Variants in CATSPERG observed in about 807,000 individuals in gnomAD.
CATSPERG encodes the protein catsper channel auxiliary subunit gamma, also known as cation channel sperm-associated auxiliary subunit gamma.
CATSPERG carries 115 observed loss-of-function variants against 145.0 expected under a neutral mutation model. The ratio of observed to expected loss-of-function variants is 0.79; its 90% CI spans 0.68 to 0.93. The LOEUF is 0.93. CATSPERG is among the 40% of genes least tolerant of loss of function. CATSPERG has a pLI of 0.00. For synonymous variants in CATSPERG, 588 were observed against 589.0 expected, an observed-to-expected ratio of 1.00 and a Z score of 0.02; for missense variants, 1,296 against 1,490.1, an observed-to-expected ratio of 0.87 and a Z score of 2.14.
At chr19:38,347,920 G>A (rs979674902) in intron 7 of CATSPERG, among the ~76,000 whole-genome samples, 15 of 148,016 alleles carry the variant, frequency 1.0e-4, no homozygotes, top group African/African-American at 2.5e-4. Flanking sequence ...CAGCCTGGGC[G>A]ATAGAGCAAG....
intron 26 of CATSPERG, among the ~76,000 whole-genome samples, chr19:38,368,749 G>A (rs897336292): frequency 2.0e-5 from 3 of 152,160 alleles, no homozygotes; most frequent in Non-Finnish European, 4.4e-5. Flanking sequence ...TGCAGCCTCT[G>A]CCTCCTGGGT....
intron 9 of CATSPERG, among the ~76,000 whole-genome samples, chr19:38,355,917 C>T (rs751719051): frequency 1.3e-5 from 2 of 151,984 alleles, no homozygotes; most frequent in African/African-American, 4.8e-5. Flanking sequence ...GTGTGCCTCT[C>T]GATATGTAAC....
At chr19:38,358,059 A>T in intron 11 of CATSPERG, 2 of 547,238 alleles carry the variant, frequency 3.7e-6, no homozygotes, top group Non-Finnish European at 3.3e-6. Flanking sequence ...CAGAAGTTGC[A>T]GTGAGCTGAG....
At chr19:38,337,698 C>T (rs1969866195) in intron 3 of CATSPERG, 52 bp downstream of exon 3, 1 of 1,393,708 alleles carries the variant, frequency 7.2e-7, no homozygotes, top group Admixed American at 2.5e-5. Context: ...GGTTTTCCCA[C>T]CTCTAACATT....
chr19:38,336,208 G>A (rs1410891815), intron 1 of CATSPERG: 2 of 456,498 alleles, frequency 4.4e-6, no homozygotes, highest in East Asian at 7.0e-5. Context: ...TGAGACTCAA[G>A]AAGGTGCCGG....
chr19:38,337,125 G>A, intron 1 of CATSPERG, 96 bp from the exon 2 acceptor site: 1 of 1,426,984 alleles, frequency 7.0e-7, no homozygotes, highest in South Asian at 1.3e-5. Context: ...GTGGCCAGGA[G>A]CAAGTGCTGT....
At chr19:38,367,131 G>A in intron 22 of CATSPERG, 25 bp from the exon 23 acceptor site, 3 of 1,602,920 alleles carry the variant, frequency 1.9e-6, no homozygotes, top group Admixed American at 1.7e-5. Flanking sequence ...GGCCACCCCT[G>A]TGAGCCTTTT....
rs747367083 is a variant in CATSPERG at position 38,343,887 on chromosome 19, G to A, written c.470-106G>A. 110 of 1,446,032 alleles carry A rather than the reference G, an allele frequency of 7.6e-5. 1 individual carries two copies. The Middle Eastern group carries it at 9.7e-4, about 13-fold the overall frequency. 89.6% of individuals were successfully genotyped at this position (1,446,032 alleles called of 1,614,324 possible). A position where few individuals can be genotyped will look rare whatever the true frequency, so the allele number is the denominator to read the frequency against. ...CAGAGGCCCCAGTGGGACCCATGGC[G>A]TGGAGGCAGGTATGGGGAGTTGTGG... is the stretch of plus-strand genomic sequence containing the variant. On this transcript the variant is annotated intron_variant, in intron 4 of 28. Transcript: ENST00000409235.
chr19:38,349,056 A>G (rs557509171), intron 7 of CATSPERG: 1 of 152,200 alleles, frequency 6.6e-6, no homozygotes, highest in African/African-American at 2.4e-5. Context: ...TGAGGGAGAC[A>G]CATCTCAGAT....
chr19:38,339,816 C>G lies in CATSPERG; in HGVS notation c.324+2170C>G, dbSNP rs148420946. On this transcript the variant is annotated intron_variant, in intron 3 of 28. Transcript: ENST00000409235. Reference sequence around the variant, plus strand: ...ATATGGTGTGAGGTCCAAGCTTTTACACGTGCATATCCAGTTGTCCCAATG... The same window carrying G: ...ATATGGTGTGAGGTCCAAGCTTTTAGACGTGCATATCCAGTTGTCCCAATG... 6.6e-3 allele frequency among the ~76,000 whole-genome samples: 996 copies of G among 151,992 alleles called. 8 individuals carry two copies. Among genetic ancestry groups the G allele is most frequent in the African/African-American group, 0.022 (932 of 41,478 alleles).
chr19:38,347,465 T>C (rs943889498), intron 7 of CATSPERG, among the ~76,000 whole-genome samples: 1 of 152,224 alleles, frequency 6.6e-6, no homozygotes, highest in Non-Finnish European at 1.5e-5. Context: ...AAATTCTGCA[T>C]TGCAATATAC....
In CATSPERG at chr19:38,368,140, G is replaced by A. The variant is rs766748872; in HGVS notation, c.3020+3G>A. On this transcript the variant is annotated splice_donor_region_variant and intron_variant, in intron 26 of 28. Transcript: ENST00000409235. ...TCCCACGAGAGCCCAGGCATCGAGTGAGTGCGTAGCCTGGCCCCTCTTGGC... is the reference window on the plus strand; with the variant it reads ...TCCCACGAGAGCCCAGGCATCGAGTAAGTGCGTAGCCTGGCCCCTCTTGGC... 3.7e-6 allele frequency: 6 copies of A among 1,613,616 alleles called. No individual in the cohort carries two copies. The highest frequency in any genetic ancestry group is 5.1e-6 in the Non-Finnish European group (6 of 1,179,686).
Position 38,362,880 on chromosome 19 carries a change from T to G in CATSPERG, c.2475+48T>G, listed in dbSNP as rs200555264. On this transcript the variant is annotated intron_variant, in intron 20 of 28. Transcript: ENST00000409235. ...GATCAAGGGAGGTTTTGTTTTTTTT[T>G]TTTTTTTTTTTTTTTGGAGACAGGG... 3,935 of 1,214,018 alleles carry G rather than the reference T, an allele frequency of 3.2e-3. 5 individuals carry two copies. Among genetic ancestry groups the G allele is most frequent in the East Asian group, 0.023 (873 of 37,898 alleles). The allele number at this position is 1,214,018 out of a possible 1,614,324, so 75.2% of individuals were successfully genotyped here.
Position 38,367,503 on chromosome 19 carries a change from C to A in CATSPERG, c.2771-6C>A. ...CTTCTGGTCTCAATCCCCTCCAACC[C>A]CATAGTTTTCTACCCCTTCTTCTTG... On this transcript the variant is annotated splice_polypyrimidine_tract_variant and splice_region_variant and intron_variant, in intron 23 of 28. Transcript: ENST00000409235. 1 of 1,613,934 alleles carries A rather than the reference C, an allele frequency of 6.2e-7. No homozygotes were observed. The highest frequency in any genetic ancestry group is 8.5e-7 in the Non-Finnish European group (1 of 1,179,864).
In CATSPERG at chr19:38,370,233, C is replaced by T; in HGVS notation, c.3188C>T (p.Pro1063Leu). The T allele has an allele frequency of 2.5e-6, 4 of 1,613,582 alleles. No individual in the cohort carries two copies. The highest frequency in any genetic ancestry group is 1.6e-4 in the Middle Eastern group (1 of 6,062). The change falls in exon 28 of 29, where the codon CCC becomes CTC. Residue 1063 changes from proline (P) to leucine (L), a missense_variant. Coordinates refer to ENST00000409235, the MANE Select transcript of CATSPERG (RefSeq NM_021185.5). Reference sequence around the variant, plus strand: ...CACATCCACGGGCTGCCACTCAGTCCCAAGCGGGCCCTTTTCATCATCATG... The same window carrying T: ...CACATCCACGGGCTGCCACTCAGTCTCAAGCGGGCCCTTTTCATCATCATG... The part of the protein sequence containing the change: ...LLHIHGLPLS[P>L]KRALFIIMVS...
chr19:38,342,047 C>T (rs530817110), intron 3 of CATSPERG, among the ~76,000 whole-genome samples: 11 of 149,360 alleles, frequency 7.4e-5, no homozygotes, highest in African/African-American at 1.5e-4. Flanking sequence ...CACTGCACTC[C>T]GGACTGGGCA....
chr19:38,365,009 G>T, intron 21 of CATSPERG, 38 bp downstream of exon 21: 1 of 1,613,650 alleles, frequency 6.2e-7, no homozygotes, highest in Non-Finnish European at 8.5e-7. Context: ...GCAGGATGGT[G>T]GGAAAGCCTG....
intron 3 of CATSPERG, among the ~76,000 whole-genome samples, chr19:38,342,158 T>C (rs1044841004): frequency 6.6e-6 from 1 of 150,564 alleles, no homozygotes; most frequent in Admixed American, 6.6e-5. Context: ...GGAGGATTGC[T>C]TGAGGCCAAG....
intron 3 of CATSPERG, among the ~76,000 whole-genome samples, chr19:38,342,640 G>C (rs147331384): frequency 6.6e-6 from 1 of 150,424 alleles, no homozygotes; most frequent in Non-Finnish European, 1.5e-5. Flanking sequence ...GCCTGGCAAA[G>C]AAAGTAAAGA....
Sources: allele counts gnomAD v4.1 joint callset (sites outside exome capture counted in the v4.1 genomes callset), GRCh38; gene constraint gnomAD v4.1.1; transcripts MANE v1.5; gene names NCBI Gene and HGNC (gene_info 2026-07-23, HGNC 2026-07-21).